SOX6: variants seen among roughly 807,000 people sequenced by gnomAD.
SOX6 encodes the protein transcription factor SOX-6.
In SOX6, 11 loss-of-function variants were observed where a neutral mutation model predicts 97.8. The observed-to-expected ratio is 0.11, with a 90% CI of 0.07 to 0.19. The LOEUF (loss-of-function observed/expected upper bound fraction) is 0.19, where lower values mean the gene tolerates loss of function less well. Among genes scored for constraint, SOX6 ranks in the 10% least tolerant of loss-of-function variants. The probability of loss-of-function intolerance (pLI) is 1.00; values close to 1 mark genes in which losing one functional copy is unlikely to be tolerated. For synonymous variants in SOX6, 360 were observed against 371.4 expected, an observed-to-expected ratio of 0.97 and a Z score of 0.35; for missense variants, 810 against 1,039.5, an observed-to-expected ratio of 0.78 and a Z score of 3.04.
At chr11:16,119,104 T>C (rs1441642888) in intron 6 of SOX6, among the ~76,000 whole-genome samples, 2 of 152,130 alleles carry the variant, frequency 1.3e-5, no homozygotes. Flanking sequence ...TTGCAAAGAA[T>C]AGCTGACTCA....
At chr11:16,191,862 C>CT (rs796766643) in intron 4 of SOX6, among the ~76,000 whole-genome samples, 187 of 135,554 alleles carry the variant, frequency 1.4e-3, no homozygotes, top group African/African-American at 4.6e-3. Flanking sequence ...TCTTTTTTTT[C>CT]TTTTTTTTTC....
intron 2 of SOX6, among the ~76,000 whole-genome samples, chr11:16,729,204 G>A (rs942675363): frequency 3.3e-5 from 5 of 152,208 alleles, no homozygotes; most frequent in Admixed American, 2.6e-4. Flanking sequence ...GCAGGCCAAC[G>A]TTCAAATTCG....
intron 3 of SOX6, among the ~76,000 whole-genome samples, chr11:16,687,391 T>G (rs555719419): frequency 3.4e-4 from 52 of 152,314 alleles, no homozygotes; most frequent in African/African-American, 1.2e-3. Context: ...ACTACCATGA[T>G]GATGGCATCA....
At chr11:16,584,913 G>A (rs1848075598) in intron 4 of SOX6, among the ~76,000 whole-genome samples, 2 of 152,204 alleles carry the variant, frequency 1.3e-5, no homozygotes, top group African/African-American at 4.8e-5. Flanking sequence ...GCTAGCTGCT[G>A]CCTCTTTAAA....
At chr11:16,485,732 A>G (rs1380066216) in intron 4 of SOX6, among the ~76,000 whole-genome samples, 1 of 145,684 alleles carries the variant, frequency 6.9e-6, no homozygotes, top group African/African-American at 2.5e-5. Flanking sequence ...CTCGGTCTCA[A>G]AAAAAAAAAA....
chr11:16,653,859 CAG>C (rs1382589721), intron 3 of SOX6, among the ~76,000 whole-genome samples: 2 of 151,780 alleles, frequency 1.3e-5, no homozygotes, highest in South Asian at 2.1e-4. Context: ...AAGAAGAATG[CAG>C]AGTTTTAGAG....
chr11:16,445,491 T>C (rs1290295798), intron 1 of SOX6, among the ~76,000 whole-genome samples: 1 of 152,198 alleles, frequency 6.6e-6, no homozygotes, highest in Non-Finnish European at 1.5e-5. Context: ...ACCAAATCTG[T>C]GTACCCACAG....
At chr11:16,283,294 T>C (rs951482524) in intron 3 of SOX6, among the ~76,000 whole-genome samples, 2 of 149,808 alleles carry the variant, frequency 1.3e-5, no homozygotes, top group African/African-American at 4.9e-5. Flanking sequence ...ACAAGAAAAT[T>C]TGACAACCTA....
chr11:16,274,369 C>T (rs1854336520), intron 3 of SOX6, among the ~76,000 whole-genome samples: 1 of 151,986 alleles, frequency 6.6e-6, no homozygotes, highest in African/African-American at 2.4e-5. Flanking sequence ...TCCACCCATC[C>T]ATATGCCCAC....
At chr11:16,304,745 T>C (rs1855372407) in intron 3 of SOX6, among the ~76,000 whole-genome samples, 1 of 152,168 alleles carries the variant, frequency 6.6e-6, no homozygotes, top group Non-Finnish European at 1.5e-5. Context: ...TTGTTCTGTT[T>C]TATTTTGTAC....
intron 3 of SOX6, among the ~76,000 whole-genome samples, chr11:16,304,358 G>A (rs1401433759): frequency 1.3e-5 from 2 of 152,228 alleles, no homozygotes; most frequent in East Asian, 3.9e-4. Flanking sequence ...TAGATCATGA[G>A]GGCTCCACCT....
intron 6 of SOX6, among the ~76,000 whole-genome samples, chr11:16,160,083 C>A (rs1438136492): frequency 6.6e-6 from 1 of 152,060 alleles, no homozygotes; most frequent in African/African-American, 2.4e-5. Flanking sequence ...AAGGCTGCTG[C>A]AGATGGGGTT....
At chr11:16,442,265 T>C (rs1227509862) in intron 1 of SOX6, among the ~76,000 whole-genome samples, 2 of 152,182 alleles carry the variant, frequency 1.3e-5, no homozygotes, top group African/African-American at 4.8e-5. Flanking sequence ...AATTTCAAGT[T>C]GAAGAAATTA....
At chr11:16,462,372 A>C (rs140121825) in intron 1 of SOX6, among the ~76,000 whole-genome samples, 171 of 152,364 alleles carry the variant, frequency 1.1e-3, no homozygotes, top group African/African-American at 3.9e-3. Context: ...GAGTTTATAT[A>C]GGACACTTTA....
chr11:16,358,105 C>G (rs72869999), upstream of SOX6, among the ~76,000 whole-genome samples: 4,902 of 152,178 alleles, frequency 0.032, 155 homozygotes, highest in Non-Finnish European at 0.041. Flanking sequence ...AGCTCCCATG[C>G]AGAATGTATA....
rs1328355034 is a variant in SOX6, at chr11:15,971,461, T to C, written c.*1348A>G. ...GCCTGGCAGTCACCACTGTTGAACC[T>C]TGCTGCTGAATGGAATTCAGGGGGA... On this transcript the variant is annotated 3_prime_UTR_variant, in exon 16 of 16. Coordinates refer to ENST00000683767, the MANE Select transcript of SOX6 (RefSeq NM_001367873.1). 4 of 152,628 alleles carry C rather than the reference T, an allele frequency of 2.6e-5. No homozygotes were observed. Among genetic ancestry groups the C allele is most frequent in the African/African-American group, 9.7e-5 (4 of 41,444 alleles). 9.5% of individuals were successfully genotyped at this position (152,628 alleles called of 1,614,324 possible). A position where few individuals can be genotyped will look rare whatever the true frequency, so the allele number is the denominator to read the frequency against.
At chr11:16,346,167 T>A (rs1016445486) in intron 1 of SOX6, among the ~76,000 whole-genome samples, 5 of 152,062 alleles carry the variant, frequency 3.3e-5, no homozygotes, top group Middle Eastern at 3.4e-3. Context: ...TTTCATCAGA[T>A]AATTCACTGT....
At chr11:16,477,335 A>T (rs768190220), upstream of SOX6, among the ~76,000 whole-genome samples, 3 of 152,222 alleles carry the variant, frequency 2.0e-5, no homozygotes, top group Non-Finnish European at 4.4e-5. Context: ...ACTAGATTTA[A>T]ATAAAATCCT....
intron 15 of SOX6, among the ~76,000 whole-genome samples, chr11:15,975,480 C>G (rs1031068272): frequency 6.6e-6 from 1 of 152,178 alleles, no homozygotes; most frequent in Non-Finnish European, 1.5e-5. Flanking sequence ...AACACACTAT[C>G]AAATGATACG....
Sources: gnomAD v4.1 joint callset for allele counts (sites outside exome capture counted in the v4.1 genomes callset) on GRCh38, gnomAD v4.1.1 for gene constraint, MANE v1.5 for transcripts, NCBI Gene and HGNC (gene_info 2026-07-23, HGNC 2026-07-21) for gene names.